GRIP1: variants seen among roughly 807,000 people sequenced by gnomAD.
GRIP1 encodes the protein glutamate receptor interacting protein 1, also known as glutamate receptor-interacting protein 1.
GRIP1 carries 45 observed loss-of-function variants against 129.9 expected under a neutral mutation model. The ratio of observed to expected loss-of-function variants is 0.35; its 90% confidence interval spans 0.27 to 0.44. The LOEUF (loss-of-function observed/expected upper bound fraction) is 0.44. Among genes scored for constraint, GRIP1 ranks in the 20% least tolerant of loss-of-function variants. The pLI is 1.00. For synonymous variants in GRIP1, 530 were observed against 520.8 expected (o/e 1.02, Z -0.24); for missense variants, 1,196 against 1,396.8 (o/e 0.86, Z 2.29).
At chr12:66,984,037 G>A (rs1033248116) in intron 1 of GRIP1, among the ~76,000 whole-genome samples, 1 of 152,120 alleles carries the variant, frequency 6.6e-6, no homozygotes, top group Non-Finnish European at 1.5e-5. Context: ...AGCATTTCGT[G>A]ACCACAGCCA....
At chr12:67,005,696 C>T (rs2042615989) in intron 1 of GRIP1, among the ~76,000 whole-genome samples, 1 of 152,204 alleles carries the variant, frequency 6.6e-6, no homozygotes, top group Admixed American at 6.5e-5. Context: ...GGCATTCTCA[C>T]TCGTGGAAGA....
intron 2 of GRIP1, among the ~76,000 whole-genome samples, chr12:66,586,436 T>G (rs914907546): frequency 6.6e-5 from 10 of 152,174 alleles, no homozygotes; most frequent in Admixed American, 5.2e-4. Context: ...CTCTGAGGCT[T>G]AGTATGCCCC....
At chr12:66,396,675 G>A (rs2056800282) in intron 16 of GRIP1, among the ~76,000 whole-genome samples, 1 of 152,150 alleles carries the variant, frequency 6.6e-6, no homozygotes, top group Non-Finnish European at 1.5e-5. Flanking sequence ...CTGGGAAATG[G>A]TACCTCTTAA....
chr12:66,852,493 T>C (rs923352890), intron 1 of GRIP1, among the ~76,000 whole-genome samples: 22 of 151,356 alleles, frequency 1.5e-4, no homozygotes, highest in African/African-American at 5.3e-4. Flanking sequence ...TAACAAAGTG[T>C]GTATATATAC....
chr12:66,904,427 C>A (rs2040894644), intron 1 of GRIP1, among the ~76,000 whole-genome samples: 2 of 152,140 alleles, frequency 1.3e-5, no homozygotes, highest in African/African-American at 4.8e-5. Context: ...TGAGAGTTGG[C>A]TGATGGTGTT....
chr12:66,992,406 A>G (rs538916723), intron 1 of GRIP1, among the ~76,000 whole-genome samples: 3 of 152,276 alleles, frequency 2.0e-5, no homozygotes, highest in Non-Finnish European at 4.4e-5. Flanking sequence ...TACAATTCCA[A>G]TATCAGTGTG....
intron 1 of GRIP1, among the ~76,000 whole-genome samples, chr12:66,650,104 C>G (rs1358562229): frequency 6.6e-6 from 1 of 152,200 alleles, no homozygotes; most frequent in African/African-American, 2.4e-5. Flanking sequence ...ACCGTCTCCA[C>G]TGGCCATTTC....
intron 1 of GRIP1, among the ~76,000 whole-genome samples, chr12:66,747,947 A>C (rs1039159844): frequency 6.6e-6 from 1 of 152,302 alleles, no homozygotes; most frequent in East Asian, 1.9e-4. Flanking sequence ...CATATATATA[A>C]ATTTACATAT....
intron 2 of GRIP1, among the ~76,000 whole-genome samples, chr12:66,572,065 C>T (rs2062978214): frequency 6.6e-6 from 1 of 152,182 alleles, no homozygotes. Context: ...CTGTGCTGCC[C>T]ACCCATGGAA....
intron 1 of GRIP1, among the ~76,000 whole-genome samples, chr12:66,597,793 A>G (rs1479655510): frequency 6.6e-6 from 1 of 152,046 alleles, no homozygotes; most frequent in African/African-American, 2.4e-5. Context: ...TTATCTGACT[A>G]GGAATAAAGG....
At chr12:66,921,558 A>T (rs2041213477) in intron 1 of GRIP1, among the ~76,000 whole-genome samples, 1 of 152,166 alleles carries the variant, frequency 6.6e-6, no homozygotes, top group African/African-American at 2.4e-5. Flanking sequence ...TTTTGAACTC[A>T]GCATAGTAGG....
At chr12:66,732,462 A>G (rs1280457042) in intron 1 of GRIP1, among the ~76,000 whole-genome samples, 1 of 151,996 alleles carries the variant, frequency 6.6e-6, no homozygotes, top group East Asian at 1.9e-4. Context: ...CGGAGGTGGG[A>G]GGATCATTTG....
intron 9 of GRIP1, among the ~76,000 whole-genome samples, chr12:66,459,045 T>C (rs2059055110): frequency 6.6e-6 from 1 of 152,232 alleles, no homozygotes; most frequent in African/African-American, 2.4e-5. Context: ...TAATATATTT[T>C]TAATGTTTGT....
chr12:67,041,762 C>A (rs2043183829), intron 1 of GRIP1, among the ~76,000 whole-genome samples: 1 of 149,292 alleles, frequency 6.7e-6, no homozygotes, highest in African/African-American at 2.5e-5. Flanking sequence ...GAAAGAAAAG[C>A]CACAGGACAA....
chr12:66,482,741 CTTATT>C (rs932846185), intron 7 of GRIP1, among the ~76,000 whole-genome samples: 128 of 152,020 alleles, frequency 8.4e-4, no homozygotes, highest in African/African-American at 3.0e-3. Context: ...ATGGGGCACT[CTTATT>C]TAAGAAAGTG....
At chr12:66,725,456 T>G (rs2036223475) in intron 1 of GRIP1, among the ~76,000 whole-genome samples, 1 of 152,164 alleles carries the variant, frequency 6.6e-6, no homozygotes, top group African/African-American at 2.4e-5. Flanking sequence ...ATATATAAAT[T>G]TACATATTTT....
chr12:66,686,021 G>A (rs1419852312), intron 1 of GRIP1, among the ~76,000 whole-genome samples: 2 of 152,178 alleles, frequency 1.3e-5, no homozygotes, highest in East Asian at 3.9e-4. Flanking sequence ...ATGCAATACT[G>A]TTTGTAAAAC....
intron 1 of GRIP1, among the ~76,000 whole-genome samples, chr12:66,931,384 GA>G (rs1428266437): frequency 6.6e-6 from 1 of 152,162 alleles, no homozygotes; most frequent in African/African-American, 2.4e-5. Flanking sequence ...GGAATTATCA[GA>G]AGAAGAATAA....
chr12:66,723,242 TCCTTCCTTCCTTCCTTCCTTC>T lies in GRIP1; in HGVS notation c.-420+80790_-420+80810del, dbSNP rs2036129169. 2.2e-3 allele frequency among the ~76,000 whole-genome samples: 124 copies of T among 57,300 alleles called. 10 individuals carry two copies. The highest frequency in any genetic ancestry group is 0.011 in the African/African-American group (119 of 11,314). 37.6% of individuals were successfully genotyped at this position (57,300 alleles called of 152,430 possible). ...TCTTTCTTTCTCTCTCTCTCTCTCTTCCTTCCTTCCTTCCTTCCTTCCTTCCTTCCTTCCTTCCTTCCTTTC... is the reference window on the plus strand; with the variant it reads ...TCTTTCTTTCTCTCTCTCTCTCTCTTCTTCCTTCCTTCCTTCCTTCCTTTC... On this transcript the variant is annotated intron_variant, in intron 1 of 4. Coordinates refer to the GRIP1 transcript ENST00000538373.
Sources: allele counts gnomAD v4.1 joint callset (sites outside exome capture counted in the v4.1 genomes callset), GRCh38; gene constraint gnomAD v4.1.1; transcripts MANE v1.5; gene names NCBI Gene and HGNC (gene_info 2026-07-23, HGNC 2026-07-21).